SH2D4A: variants seen among roughly 807,000 people sequenced by gnomAD.
SH2D4A encodes SH2 domain-containing protein 4A.
In SH2D4A, 70 loss-of-function variants were observed where a neutral mutation model predicts 64.7. That is an observed-to-expected ratio of 1.08 (90% CI 0.89 to 1.32). The LOEUF is 1.32. SH2D4A is among the 40% of genes most tolerant of loss of function. The probability of loss-of-function intolerance (pLI) is 0.00; values close to 1 mark genes in which losing one functional copy is unlikely to be tolerated. For missense variants in SH2D4A, 706 were observed against 540.1 expected (o/e 1.31, Z -3.04); for synonymous variants, 268 against 200.7 (o/e 1.34, Z -2.83).
At chr8:19,370,835 A>G (rs1402415590) in intron 7 of SH2D4A, among the ~76,000 whole-genome samples, 2 of 152,008 alleles carry the variant, frequency 1.3e-5, no homozygotes, top group Admixed American at 6.6e-5. Context: ...GTGGTTAGGC[A>G]CTTTTCTCTA....
intron 8 of SH2D4A, among the ~76,000 whole-genome samples, chr8:19,389,257 G>C (rs62493851): frequency 0.26 from 39,788 of 152,112 alleles, 5,724 homozygotes; most frequent in Middle Eastern, 0.36. Context: ...CTGGGCTCTT[G>C]GGTCTGTTTA....
rs184246950 is a variant in SH2D4A, at chr8:19,332,504, G to C, written c.182-451G>C. On this transcript the variant is annotated intron_variant, in intron 2 of 9. Transcript: ENST00000265807. ...CAAAAATTAGCTGGTCGTGGTGGCAGATGCCTGTAATGGTGAAACCCTGTC... is the reference window on the plus strand; with the variant it reads ...CAAAAATTAGCTGGTCGTGGTGGCACATGCCTGTAATGGTGAAACCCTGTC... Among the ~76,000 whole-genome samples, 153 of 151,968 alleles carry C rather than the reference G, an allele frequency of 1.0e-3. 2 individuals are homozygous for C. The highest frequency in any genetic ancestry group is 3.6e-3 in the African/African-American group (148 of 41,452).
chr8:19,374,274 G>T (rs2053158198), intron 8 of SH2D4A, among the ~76,000 whole-genome samples: 1 of 152,142 alleles, frequency 6.6e-6, no homozygotes, highest in South Asian at 2.1e-4. Flanking sequence ...CAAGAAACTT[G>T]ATTCAAGCCC....
intron 7 of SH2D4A, among the ~76,000 whole-genome samples, chr8:19,368,619 GC>G (rs2053042270): frequency 1.1e-5 from 1 of 92,818 alleles, no homozygotes; most frequent in Non-Finnish European, 2.4e-5. Context: ...AAATAAAATT[GC>G]TTTTTTTTTT....
chr8:19,378,306 A>G, intron 8 of SH2D4A, among the ~76,000 whole-genome samples: 1 of 152,156 alleles, frequency 6.6e-6, no homozygotes, highest in Non-Finnish European at 1.5e-5. Context: ...TTTTTCCTTT[A>G]TAGTTTCTGC....
rs369768598 is a variant in SH2D4A at position 19,394,717 on chromosome 8, G to T, written c.*75G>T. On this transcript the variant is annotated 3_prime_UTR_variant, in exon 10 of 10. Coordinates refer to ENST00000265807, the MANE Select transcript of SH2D4A (RefSeq NM_022071.4). ...ACAAATGCCACTGCAACATTTATGT[G>T]TGAAGCCAAAATCACCCTGCAGCAG... The T allele has an allele frequency of 8.4e-7, 1 of 1,187,590 alleles. No individual in the cohort carries two copies. Among genetic ancestry groups the T allele is most frequent in the African/African-American group, 1.5e-5 (1 of 65,672 alleles). The allele number at this position is 1,187,590 out of a possible 1,614,324, so 73.6% of individuals were successfully genotyped here. A position where few individuals can be genotyped will look rare whatever the true frequency, so the allele number is the denominator to read the frequency against.
chr8:19,335,889 G>A (rs1275251198), intron 4 of SH2D4A, among the ~76,000 whole-genome samples: 1 of 146,356 alleles, frequency 6.8e-6, no homozygotes, highest in East Asian at 1.9e-4. Context: ...ATTCTACCAG[G>A]AATTTAATTA....
chr8:19,381,076 C>T (rs1044153401), intron 8 of SH2D4A, among the ~76,000 whole-genome samples: 2 of 150,682 alleles, frequency 1.3e-5, no homozygotes, highest in Non-Finnish European at 2.9e-5. Context: ...GAGTCTTGCT[C>T]TGTTGCCTAG....
chr8:19,389,646 T>C (rs2053453396), intron 8 of SH2D4A, among the ~76,000 whole-genome samples: 1 of 152,162 alleles, frequency 6.6e-6, no homozygotes, highest in Non-Finnish European at 1.5e-5. Context: ...CTGGCCTGGA[T>C]TCAACTCTAA....
At chr8:19,319,106 G>C (rs762796737) in intron 1 of SH2D4A, among the ~76,000 whole-genome samples, 2 of 151,528 alleles carry the variant, frequency 1.3e-5, no homozygotes, top group African/African-American at 2.4e-5. Context: ...GCCTGAGATT[G>C]ACCTGTATAA....
intron 8 of SH2D4A, among the ~76,000 whole-genome samples, chr8:19,377,808 C>A (rs1296656860): frequency 2.0e-5 from 3 of 152,132 alleles, no homozygotes; most frequent in Non-Finnish European, 2.9e-5. Flanking sequence ...CACATATGAT[C>A]ATTTCTTCAG....
At chr8:19,393,638 T>C in intron 9 of SH2D4A, 97 bp downstream of exon 9, 1 of 1,210,658 alleles carries the variant, frequency 8.3e-7, no homozygotes, top group Non-Finnish European at 1.2e-6. Context: ...CTGAGACAAG[T>C]ACTGGGGAGG....
chr8:19,341,763 G>T (rs946919470), intron 4 of SH2D4A, among the ~76,000 whole-genome samples: 6 of 150,912 alleles, frequency 4.0e-5, no homozygotes, highest in Non-Finnish European at 8.8e-5. Flanking sequence ...GATCACTTTA[G>T]CTGAGGAGGC....
intron 1 of SH2D4A, chr8:19,314,177 T>A: frequency 1.1e-6 from 1 of 911,390 alleles, no homozygotes; most frequent in Non-Finnish European, 1.4e-6. Context: ...GGGGAAGTTC[T>A]GGAATCCGGC....
intron 2 of SH2D4A, among the ~76,000 whole-genome samples, chr8:19,320,679 A>G (rs1287836726): frequency 6.6e-6 from 1 of 151,846 alleles, no homozygotes; most frequent in Non-Finnish European, 1.5e-5. Flanking sequence ...AGACACAGAA[A>G]AATACACATT....
intron 6 of SH2D4A, 28 bp from the exon 7 acceptor site, chr8:19,364,044 G>A: frequency 1.9e-6 from 3 of 1,612,192 alleles, no homozygotes; most frequent in East Asian, 2.2e-5. Context: ...GCTGATGAGG[G>A]TTTTCTCCGA....
intron 7 of SH2D4A, among the ~76,000 whole-genome samples, chr8:19,370,531 T>A (rs1441071752): frequency 6.6e-6 from 1 of 152,044 alleles, no homozygotes; most frequent in East Asian, 1.9e-4. Flanking sequence ...AGGTCTGCTT[T>A]ATATGATATA....
intron 5 of SH2D4A, among the ~76,000 whole-genome samples, chr8:19,359,248 T>C (rs1282486912): frequency 6.6e-6 from 1 of 152,228 alleles, no homozygotes; most frequent in Non-Finnish European, 1.5e-5. Context: ...TCTTTTCCAC[T>C]GTGCATGTAC....
intron 8 of SH2D4A, among the ~76,000 whole-genome samples, chr8:19,386,470 T>C (rs1288419093): frequency 6.6e-6 from 1 of 152,208 alleles, no homozygotes; most frequent in East Asian, 1.9e-4. Flanking sequence ...ACTTGGGTTT[T>C]TGCAGATGAT....
Sources: allele counts gnomAD v4.1 joint callset (sites outside exome capture counted in the v4.1 genomes callset), GRCh38; gene constraint gnomAD v4.1.1; transcripts MANE v1.5; gene names NCBI Gene and HGNC (gene_info 2026-07-23, HGNC 2026-07-21).